HECW2: variants seen among roughly 807,000 people sequenced by gnomAD.
HECW2 encodes E3 ubiquitin-protein ligase HECW2.
In HECW2, 61 loss-of-function variants were observed where a neutral mutation model predicts 175.2. That is an observed-to-expected ratio of 0.35 (90% CI 0.28 to 0.43). The LOEUF (loss-of-function observed/expected upper bound fraction) is 0.43. Among genes scored for constraint, HECW2 ranks in the 20% least tolerant of loss-of-function variants. HECW2 has a pLI of 1.00. For missense variants in HECW2, 1,524 were observed against 2,000.5 expected, an observed-to-expected ratio of 0.76 and a Z score of 4.54; for synonymous variants, 671 against 731.0, an observed-to-expected ratio of 0.92 and a Z score of 1.32.
At chr2:196,330,932 T>G (rs545597663) in intron 4 of HECW2, among the ~76,000 whole-genome samples, 9 of 151,530 alleles carry the variant, frequency 5.9e-5, no homozygotes, top group Non-Finnish European at 8.8e-5. Context: ...CAGGTCTGAT[T>G]TTTTTTTTAA....
intron 1 of HECW2, among the ~76,000 whole-genome samples, chr2:196,472,868 G>A (rs200999662): frequency 6.6e-6 from 1 of 152,184 alleles, no homozygotes; most frequent in East Asian, 1.9e-4. Flanking sequence ...TGATCCACCC[G>A]CCTTGGCCTC....
intron 28 of HECW2, among the ~76,000 whole-genome samples, chr2:196,213,480 G>A (rs896689101): frequency 2.0e-5 from 3 of 152,128 alleles, no homozygotes; most frequent in South Asian, 2.1e-4. Context: ...GTTACATAAG[G>A]TGACTGCAAC....
chr2:196,459,680 G>A (rs72914608), intron 1 of HECW2, among the ~76,000 whole-genome samples: 20,720 of 151,998 alleles, frequency 0.14, 1,479 homozygotes, highest in Middle Eastern at 0.22. Flanking sequence ...TCCTGAAACC[G>A]CCCCTCCTTT....
intron 1 of HECW2, among the ~76,000 whole-genome samples, chr2:196,444,392 A>T (rs772782031): frequency 2.0e-5 from 3 of 152,238 alleles, no homozygotes; most frequent in Non-Finnish European, 2.9e-5. Flanking sequence ...TGTTTATTCC[A>T]TAAAACACCA....
chr2:196,444,665 C>T (rs975383813), intron 1 of HECW2, among the ~76,000 whole-genome samples: 1 of 152,110 alleles, frequency 6.6e-6, no homozygotes, highest in African/African-American at 2.4e-5. Context: ...AATTAAAAAG[C>T]CATGATGGAA....
intron 2 of HECW2, among the ~76,000 whole-genome samples, chr2:196,347,848 A>G (rs1693015701): frequency 6.6e-6 from 1 of 152,240 alleles, no homozygotes; most frequent in East Asian, 1.9e-4. Context: ...CTTTGATGTG[A>G]TCATATTCTT....
intron 1 of HECW2, among the ~76,000 whole-genome samples, chr2:196,578,910 T>G (rs573064627): frequency 6.6e-6 from 1 of 150,928 alleles, no homozygotes; most frequent in Non-Finnish European, 1.5e-5. Context: ...CACACAGAAA[T>G]AGAGTATTGG....
chr2:196,517,075 C>T (rs116166922), intron 1 of HECW2, among the ~76,000 whole-genome samples: 2,208 of 152,344 alleles, frequency 0.014, 24 homozygotes, highest in Admixed American at 0.028. Context: ...ACCAAGGTGT[C>T]CTGATGGCGG....
intron 13 of HECW2, among the ~76,000 whole-genome samples, chr2:196,301,811 A>C (rs1691071756): frequency 6.6e-6 from 1 of 151,762 alleles, no homozygotes. Flanking sequence ...AGACTACAAA[A>C]ATTTTCTCCC....
chr2:196,382,205 T>C (rs1490504792), intron 2 of HECW2, among the ~76,000 whole-genome samples: 2 of 117,812 alleles, frequency 1.7e-5, no homozygotes, highest in Non-Finnish European at 3.5e-5. Flanking sequence ...TGTGTGTATA[T>C]ACATATAGTA....
intron 1 of HECW2, among the ~76,000 whole-genome samples, chr2:196,547,986 T>C (rs1054788805): frequency 6.6e-6 from 1 of 152,192 alleles, no homozygotes; most frequent in South Asian, 2.1e-4. Context: ...CTTCATAGCC[T>C]GGATGATTTT....
At chr2:196,580,884 T>C (rs1056920370) in intron 1 of HECW2, among the ~76,000 whole-genome samples, 1 of 152,056 alleles carries the variant, frequency 6.6e-6, no homozygotes, top group Non-Finnish European at 1.5e-5. Flanking sequence ...AGCCGAAAAA[T>C]GAGACCATCC....
At chr2:196,549,996 T>C (rs1251238695) in intron 1 of HECW2, among the ~76,000 whole-genome samples, 1 of 152,220 alleles carries the variant, frequency 6.6e-6, no homozygotes, top group Non-Finnish European at 1.5e-5. Context: ...CAAGCTTCAC[T>C]GATAAACACA....
At chr2:196,252,970 A>G (rs1688913800) in intron 19 of HECW2, among the ~76,000 whole-genome samples, 1 of 152,220 alleles carries the variant, frequency 6.6e-6, no homozygotes, top group African/African-American at 2.4e-5. Context: ...TCACTGCCAC[A>G]CCATGAATTC....
chr2:196,346,417 G>C (rs1692956697), intron 2 of HECW2, among the ~76,000 whole-genome samples: 1 of 152,190 alleles, frequency 6.6e-6, no homozygotes, highest in Admixed American at 6.5e-5. Flanking sequence ...CTTGGACAGA[G>C]AACTGGTGTC....
At chr2:196,257,384 C>T (rs964345392) in intron 18 of HECW2, among the ~76,000 whole-genome samples, 1 of 152,116 alleles carries the variant, frequency 6.6e-6, no homozygotes, top group South Asian at 2.1e-4. Flanking sequence ...CCCAAACGTA[C>T]ACCCTCAAAA....
At chr2:196,277,240 C>T (rs1223127840) in intron 15 of HECW2, among the ~76,000 whole-genome samples, 1 of 152,104 alleles carries the variant, frequency 6.6e-6, no homozygotes, top group Non-Finnish European at 1.5e-5. Context: ...TTGGTCCCTG[C>T]AAATCGGTAA....
chr2:196,505,166 T>G (rs1242735724), intron 1 of HECW2, among the ~76,000 whole-genome samples: 1 of 152,080 alleles, frequency 6.6e-6, no homozygotes, highest in African/African-American at 2.4e-5. Flanking sequence ...AACCACACCT[T>G]ACCATTTAAA....
At chr2:196,368,512 A>G (rs1226693327) in intron 2 of HECW2, among the ~76,000 whole-genome samples, 1 of 151,994 alleles carries the variant, frequency 6.6e-6, no homozygotes, top group African/African-American at 2.4e-5. Context: ...TTGAATATTG[A>G]TATCTTTCTC....
Sources: allele counts gnomAD v4.1 joint callset (sites outside exome capture counted in the v4.1 genomes callset), GRCh38; gene constraint gnomAD v4.1.1; transcripts MANE v1.5; gene names NCBI Gene and HGNC (gene_info 2026-07-23, HGNC 2026-07-21).